TG: variants seen among roughly 807,000 people sequenced by gnomAD.
TG encodes thyroglobulin.
Under a neutral mutation model 324.7 loss-of-function variants are expected in TG, and 270 were observed. The observed-to-expected ratio is 0.83, with a 90% confidence interval of 0.75 to 0.92. The LOEUF is 0.92. TG is among the 40% of genes least tolerant of loss of function. The pLI is 0.00. For missense variants in TG, 3,591 were observed against 3,456.4 expected (o/e 1.04, Z -0.98); for synonymous variants, 1,401 against 1,327.0 (o/e 1.06, Z -1.21).
chr8:133,032,028 C>A (rs904332134), intron 41 of TG, among the ~76,000 whole-genome samples: 1 of 152,198 alleles, frequency 6.6e-6, no homozygotes, highest in Non-Finnish European at 1.5e-5. Flanking sequence ...CTAGCTCCAG[C>A]TGAGCAGGGG....
At chr8:132,920,373 C>T (rs1445289358) in intron 21 of TG, among the ~76,000 whole-genome samples, 1 of 152,166 alleles carries the variant, frequency 6.6e-6, no homozygotes, top group African/African-American at 2.4e-5. Flanking sequence ...AACAAGTCAT[C>T]AGAAAAGATC....
At chr8:133,019,527 G>A in intron 38 of TG, 75 bp from the exon 39 acceptor site, 1 of 1,292,250 alleles carries the variant, frequency 7.7e-7, no homozygotes. Context: ...GGGGTAGTGG[G>A]CTCTGACCAT....
intron 26 of TG, among the ~76,000 whole-genome samples, chr8:132,945,899 A>T (rs1284467232): frequency 6.6e-6 from 1 of 152,184 alleles, no homozygotes; most frequent in East Asian, 1.9e-4. Flanking sequence ...TGAGGTGGCT[A>T]AAATGAGAAT....
At chr8:132,940,517 C>G (rs1372636582) in intron 25 of TG, among the ~76,000 whole-genome samples, 1 of 152,136 alleles carries the variant, frequency 6.6e-6, no homozygotes, top group Non-Finnish European at 1.5e-5. Context: ...CTTAAAAATG[C>G]TAGAACAGTT....
In TG at chr8:132,869,602, T is replaced by G. The variant is rs1383311312; in HGVS notation, c.177-127T>G. 4 of 820,382 alleles carry G rather than the reference T, an allele frequency of 4.9e-6. No homozygotes were observed. The Admixed American group carries it at 6.0e-5, about 12-fold the overall frequency. The allele number at this position is 820,382 out of a possible 1,614,324, so 50.8% of individuals were successfully genotyped here. Reference sequence around the variant, plus strand: ...TCAGCCACCCTTCTCCACTCCACTCTCTCCCTAATTTAAACGAACCAAAAC... The same window carrying G: ...TCAGCCACCCTTCTCCACTCCACTCGCTCCCTAATTTAAACGAACCAAAAC... On this transcript the variant is annotated intron_variant, in intron 2 of 47. Coordinates refer to ENST00000220616, the MANE Select transcript of TG (RefSeq NM_003235.5).
intron 5 of TG, among the ~76,000 whole-genome samples, chr8:132,876,496 G>A (rs1304659145): frequency 6.6e-6 from 1 of 152,180 alleles, no homozygotes; most frequent in Non-Finnish European, 1.5e-5. Context: ...CCACCAGAAG[G>A]CTGGAATCCT....
At position 132,919,231 on chromosome 8, in the gene TG, A is replaced by G. The variant is rs759008813; in HGVS notation, c.4379-145A>G. The G allele has an allele frequency of 2.5e-4, 222 of 874,198 alleles. 1 individual carries two copies. Among genetic ancestry groups the G allele is most frequent in the Non-Finnish European group, 3.3e-4 (185 of 555,196 alleles). 54.2% of individuals were successfully genotyped at this position (874,198 alleles called of 1,614,324 possible). ...CTGCTTCCCTGCTTCTTAGAGTCTG[A>G]CACACAGTAGGTTCTCAGTGGACAT... On this transcript the variant is annotated intron_variant, in intron 20 of 47. Coordinates refer to ENST00000220616, the MANE Select transcript of TG (RefSeq NM_003235.5).
At chr8:133,001,142 C>T (rs372882896) in intron 35 of TG, among the ~76,000 whole-genome samples, 18 of 152,232 alleles carry the variant, frequency 1.2e-4, no homozygotes, top group African/African-American at 4.3e-4. Flanking sequence ...CTCATTTTAA[C>T]GTGATTATGT....
At chr8:133,087,354 A>G (rs1846757952) in intron 41 of TG, among the ~76,000 whole-genome samples, 1 of 152,126 alleles carries the variant, frequency 6.6e-6, no homozygotes, top group African/African-American at 2.4e-5. Flanking sequence ...TATGAAAAGG[A>G]TTGCATTTGT....
Position 132,917,879 on chromosome 8 carries a change from G to A in TG, c.4379-1497G>A, listed in dbSNP as rs908334115. 3.3e-4 allele frequency among the ~76,000 whole-genome samples: 37 copies of A among 110,978 alleles called. 1 individual carries two copies. Among genetic ancestry groups the A allele is most frequent in the Admixed American group, 1.4e-3 (13 of 9,346 alleles). The allele number at this position is 110,978 out of a possible 152,430, so 72.8% of individuals were successfully genotyped here. Reference sequence around the variant, plus strand: ...ATTAGGCTGGTGCAAAAGTAATTACGGTTTTTGCAATTTTTTTTTTTTTTT... The same window carrying A: ...ATTAGGCTGGTGCAAAAGTAATTACAGTTTTTGCAATTTTTTTTTTTTTTT... On this transcript the variant is annotated intron_variant, in intron 20 of 47. Coordinates refer to ENST00000220616, the MANE Select transcript of TG (RefSeq NM_003235.5).
intron 25 of TG, among the ~76,000 whole-genome samples, chr8:132,939,500 G>A (rs1824105602): frequency 6.6e-6 from 1 of 152,140 alleles, no homozygotes; most frequent in Non-Finnish European, 1.5e-5. Flanking sequence ...ATAAAGCTGG[G>A]CTTTGGTGAA....
intron 46 of TG, 49 bp from the exon 47 acceptor site, chr8:133,133,421 G>A (rs765444906): frequency 6.3e-7 from 1 of 1,583,750 alleles, no homozygotes; most frequent in Admixed American, 1.7e-5. Flanking sequence ...GGTGATGAAA[G>A]GAAAGACAAA....
chr8:133,094,242 CTTTTT>C (rs765931953), intron 41 of TG, among the ~76,000 whole-genome samples: 8 of 126,562 alleles, frequency 6.3e-5, no homozygotes, highest in Admixed American at 8.0e-5. Context: ...CTGTCGTTTT[CTTTTT>C]TTTTTTTTTT....
chr8:132,984,080 C>G (rs1831231898), intron 35 of TG, among the ~76,000 whole-genome samples: 1 of 152,230 alleles, frequency 6.6e-6, no homozygotes, highest in African/African-American at 2.4e-5. Context: ...CCTCACTGCA[C>G]CGTCCCCTTT....
At chr8:132,924,932 T>C (rs1266473630) in intron 22 of TG, among the ~76,000 whole-genome samples, 1 of 152,210 alleles carries the variant, frequency 6.6e-6, no homozygotes, top group Non-Finnish European at 1.5e-5. Flanking sequence ...GCAAGGTCCC[T>C]TAATCCTGAT....
chr8:133,116,839 T>C, intron 45 of TG, 123 bp downstream of exon 45: 2 of 805,818 alleles, frequency 2.5e-6, no homozygotes, highest in Non-Finnish European at 4.2e-6. Context: ...GAAATAGAAA[T>C]AATTGTAGTA....
intron 35 of TG, among the ~76,000 whole-genome samples, chr8:132,983,977 A>G (rs1831216894): frequency 6.6e-6 from 1 of 152,202 alleles, no homozygotes; most frequent in African/African-American, 2.4e-5. Flanking sequence ...CACTCATGGC[A>G]TGAGTCAGCA....
At chr8:132,917,559 T>C (rs138954066) in intron 20 of TG, among the ~76,000 whole-genome samples, 23 of 151,786 alleles carry the variant, frequency 1.5e-4, no homozygotes, top group African/African-American at 5.3e-4. Context: ...TGACAAGAAG[T>C]GGGGCCAGAG....
intron 39 of TG, 74 bp downstream of exon 39, chr8:133,019,769 A>G (rs1446491236): frequency 7.9e-7 from 1 of 1,273,552 alleles, no homozygotes; most frequent in Non-Finnish European, 1.1e-6. Context: ...CACTGTGGCC[A>G]GCACAGTTCA....
Sources: allele counts gnomAD v4.1 joint callset (sites outside exome capture counted in the v4.1 genomes callset), GRCh38; gene constraint gnomAD v4.1.1; transcripts MANE v1.5; gene names NCBI Gene and HGNC (gene_info 2026-07-23, HGNC 2026-07-21).